PAPSS2: variants seen among roughly 807,000 people sequenced by gnomAD.
PAPSS2 encodes 3'-phosphoadenosine 5'-phosphosulfate synthase 2.
In PAPSS2, 61 loss-of-function variants were observed where a neutral mutation model predicts 66.5. The observed-to-expected ratio is 0.92, with a 90% CI of 0.75 to 1.14. The LOEUF (loss-of-function observed/expected upper bound fraction) is 1.14. Ranked by LOEUF, PAPSS2 falls within the 50% of genes most tolerant of loss-of-function variation. PAPSS2 has a pLI of 0.00. For synonymous variants in PAPSS2, 289 were observed against 287.5 expected (o/e 1.01, Z -0.05); for missense variants, 708 against 789.6 (o/e 0.90, Z 1.24).
At chr10:87,678,414 G>A (rs1039387620) in intron 1 of PAPSS2, among the ~76,000 whole-genome samples, 1 of 152,146 alleles carries the variant, frequency 6.6e-6, no homozygotes, top group South Asian at 2.1e-4. Context: ...GACCTTAAAA[G>A]CATAGACACC....
intron 1 of PAPSS2, among the ~76,000 whole-genome samples, chr10:87,695,923 A>G (rs1435026999): frequency 6.6e-6 from 1 of 152,208 alleles, no homozygotes; most frequent in Non-Finnish European, 1.5e-5. Flanking sequence ...GGTCAGGAGT[A>G]TTGCTACACC....
intron 1 of PAPSS2, among the ~76,000 whole-genome samples, chr10:87,672,034 T>A (rs1246657956): frequency 6.6e-6 from 1 of 152,230 alleles, no homozygotes; most frequent in African/African-American, 2.4e-5. Context: ...TCATCAAGAC[T>A]TATTCATACT....
Position 87,743,657 on chromosome 10 carries a change from A to G in PAPSS2, c.1491+16A>G. ...CCCCACAGAGGTGAGCAATTCCCAG[A>G]GCTGGGCTTTGAGACTCAGGAATTC... On this transcript the variant is annotated intron_variant, in intron 11 of 12. Coordinates refer to ENST00000456849, the MANE Select transcript of PAPSS2 (RefSeq NM_001015880.2). 6.2e-7 allele frequency: 1 copy of G among 1,614,096 alleles called. No homozygotes were observed. The highest frequency in any genetic ancestry group is 8.5e-7 in the Non-Finnish European group (1 of 1,179,974).
chr10:87,700,303 A>G (rs539281844), intron 1 of PAPSS2, among the ~76,000 whole-genome samples: 29 of 152,236 alleles, frequency 1.9e-4, no homozygotes, highest in Admixed American at 3.9e-4. Context: ...CAAAACTTGC[A>G]TAATTTCAAT....
chr10:87,668,906 T>C (rs1225979027), intron 1 of PAPSS2, among the ~76,000 whole-genome samples: 4 of 152,180 alleles, frequency 2.6e-5, no homozygotes, highest in Admixed American at 6.5e-5. Flanking sequence ...TCTTTGAAAG[T>C]GACCCTGCCT....
At chr10:87,703,914 C>A in intron 1 of PAPSS2, 1 of 499,488 alleles carries the variant, frequency 2.0e-6, no homozygotes, top group South Asian at 1.5e-5. Context: ...GCAAGACAGA[C>A]ATTTTTTCCT....
At chr10:87,681,453 G>C (rs1458107496) in intron 1 of PAPSS2, among the ~76,000 whole-genome samples, 1 of 152,192 alleles carries the variant, frequency 6.6e-6, no homozygotes, top group Non-Finnish European at 1.5e-5. Context: ...ACTACTACAA[G>C]AATTTGAAGA....
At chr10:87,683,038 ATTTC>A (rs796297318) in intron 1 of PAPSS2, among the ~76,000 whole-genome samples, 8 of 148,900 alleles carry the variant, frequency 5.4e-5, no homozygotes, top group African/African-American at 2.0e-4. Flanking sequence ...GTTCACAACT[ATTTC>A]TTTCTTTTTC....
chr10:87,739,561 G>C (rs75674739), intron 9 of PAPSS2, among the ~76,000 whole-genome samples: 2,622 of 152,288 alleles, frequency 0.017, 67 homozygotes, highest in African/African-American at 0.06. Flanking sequence ...ACATCAGACT[G>C]TATTAGGAAT....
At position 87,738,213 on chromosome 10, in the gene PAPSS2, ATTTCC is replaced by A. The variant is rs1362649055; in HGVS notation, c.1087-3018_1087-3014del. On this transcript the variant is annotated intron_variant, in intron 9 of 12. Transcript: ENST00000456849. ...ACAAATATTTCTTCAAGACTCTTTCATTTCCTTTGAATATACACCCATAAGTAGGA... is the reference window on the plus strand; with the variant it reads ...ACAAATATTTCTTCAAGACTCTTTCATTTGAATATACACCCATAAGTAGGA... 3.3e-5 allele frequency among the ~76,000 whole-genome samples: 5 copies of A among 152,248 alleles called. No individual in the cohort carries two copies. The East Asian group carries it at 9.7e-4, about 29-fold the overall frequency.
At chr10:87,734,891 C>T (rs1253921647) in intron 9 of PAPSS2, among the ~76,000 whole-genome samples, 11 of 151,702 alleles carry the variant, frequency 7.3e-5, no homozygotes, top group Non-Finnish European at 1.2e-4. Flanking sequence ...TCCTCCCTTT[C>T]CAATTAGTGC....
intron 1 of PAPSS2, among the ~76,000 whole-genome samples, chr10:87,681,704 A>G (rs927519133): frequency 5.9e-5 from 9 of 152,160 alleles, no homozygotes; most frequent in African/African-American, 1.7e-4. Flanking sequence ...AGTCATTCCC[A>G]TTCCTACTCC....
chr10:87,716,305 G>A (rs1286064619), intron 7 of PAPSS2, among the ~76,000 whole-genome samples: 1 of 152,138 alleles, frequency 6.6e-6, no homozygotes, highest in Admixed American at 6.5e-5. Context: ...AAGTGTCAAT[G>A]TTCATGCCCA....
chr10:87,660,538 T>C (rs1037499271), intron 1 of PAPSS2: 1 of 188,706 alleles, frequency 5.3e-6, no homozygotes, highest in Non-Finnish European at 1.1e-5. Flanking sequence ...GATTTAGCCC[T>C]CTAGCTTGAT....
chr10:87,725,027 G>A lies in PAPSS2; in HGVS notation c.881-2257G>A, dbSNP rs575217768. On this transcript the variant is annotated intron_variant, in intron 8 of 12. Transcript: ENST00000456849. Reference sequence around the variant, plus strand: ...TGGCATAATTCTCTCCTTTTCTGGGGAGAAGAGTCTTTTGTCTAATTAGGC... The same window carrying A: ...TGGCATAATTCTCTCCTTTTCTGGGAAGAAGAGTCTTTTGTCTAATTAGGC... Among the ~76,000 whole-genome samples the A allele has an allele frequency of 1.3e-4, 20 of 152,092 alleles. No homozygotes were observed. In the South Asian group the frequency reaches 4.0e-3, roughly 30 times the overall value.
chr10:87,715,130 G>A (rs1853517580), intron 6 of PAPSS2, 32 bp downstream of exon 6: 2 of 1,067,796 alleles, frequency 1.9e-6, no homozygotes, highest in Non-Finnish European at 2.9e-6. Flanking sequence ...AAATAATTAG[G>A]CTTAATATCA....
intron 9 of PAPSS2, 150 bp downstream of exon 9, chr10:87,727,639 A>G: frequency 1.3e-6 from 1 of 748,688 alleles, no homozygotes; most frequent in East Asian, 2.7e-5. Context: ...GCTTTGCCTC[A>G]GGAGATGTTT....
chr10:87,661,383 C>T (rs1256853003), intron 1 of PAPSS2, among the ~76,000 whole-genome samples: 1 of 152,160 alleles, frequency 6.6e-6, no homozygotes, highest in Non-Finnish European at 1.5e-5. Flanking sequence ...AGCGTTGTAA[C>T]ATATTTTTGA....
At chr10:87,709,353 C>A (rs749788291) in intron 2 of PAPSS2, 40 bp downstream of exon 2, 3 of 1,200,554 alleles carry the variant, frequency 2.5e-6, no homozygotes, top group South Asian at 2.4e-5. Flanking sequence ...ATACAAATTG[C>A]AAACTGACAT....
Sources: gnomAD v4.1 joint callset for allele counts (sites outside exome capture counted in the v4.1 genomes callset) on GRCh38, gnomAD v4.1.1 for gene constraint, MANE v1.5 for transcripts, NCBI Gene and HGNC (gene_info 2026-07-23, HGNC 2026-07-21) for gene names.